The following KAZN variants were observed in gnomAD, a reference collection of about 807,000 sequenced individuals.
KAZN encodes kazrin.
In KAZN, 40 loss-of-function variants were observed where a neutral mutation model predicts 87.4. The observed-to-expected ratio is 0.46, with a 90% confidence interval of 0.36 to 0.60. The LOEUF (loss-of-function observed/expected upper bound fraction) is 0.60, where lower values mean the gene tolerates loss of function less well. Ranked by LOEUF, KAZN falls within the 20% of genes least tolerant of loss-of-function variation. The pLI is 0.00. For missense variants in KAZN, 898 were observed against 1,073.9 expected (o/e 0.84, Z 2.29); for synonymous variants, 466 against 458.3 (o/e 1.02, Z -0.22).
chr1:14,929,495 A>C (rs138879281), intron 1 of KAZN, among the ~76,000 whole-genome samples: 1,787 of 152,332 alleles, frequency 0.012, 34 homozygotes, highest in African/African-American at 0.039. Flanking sequence ...AGAGGAAAAT[A>C]GCACCCCTGG....
chr1:15,070,570 C>T (rs757756960), intron 8 of KAZN, among the ~76,000 whole-genome samples: 2 of 152,258 alleles, frequency 1.3e-5, no homozygotes, highest in Non-Finnish European at 2.9e-5. Flanking sequence ...GCACCTGTGA[C>T]AAACGGTATC....
intron 1 of KAZN, among the ~76,000 whole-genome samples, chr1:14,080,340 A>C (rs552005885): frequency 1.0e-5 from 1 of 96,436 alleles, no homozygotes; most frequent in Non-Finnish European, 2.3e-5. Context: ...TTAGGCTTCT[A>C]AGACTGGGAA....
chr1:14,549,988 T>A (rs1282647529), intron 2 of KAZN, among the ~76,000 whole-genome samples: 1 of 152,244 alleles, frequency 6.6e-6, no homozygotes, highest in African/African-American at 2.4e-5. Context: ...CTAGATGTTT[T>A]GTAGTGGAAA....
chr1:14,894,496 A>C (rs1232003473), intron 1 of KAZN, among the ~76,000 whole-genome samples: 1 of 152,238 alleles, frequency 6.6e-6, no homozygotes, highest in Non-Finnish European at 1.5e-5. Context: ...AAGGGTGTAG[A>C]GTGCCTCATG....
intron 1 of KAZN, among the ~76,000 whole-genome samples, chr1:13,927,132 G>A (rs937787856): frequency 2.1e-4 from 32 of 152,158 alleles, no homozygotes; most frequent in Non-Finnish European, 4.3e-4. Flanking sequence ...CAATTTCCGT[G>A]TTCTATAAAG....
chr1:14,682,304 TTA>T (rs1553209463), intron 1 of KAZN, among the ~76,000 whole-genome samples: 3 of 151,654 alleles, frequency 2.0e-5, no homozygotes, highest in Non-Finnish European at 1.5e-5. Flanking sequence ...TTTTTTTTTT[TTA>T]AGACAGGGTC....
chr1:14,770,818 A>T (rs1644999469), intron 1 of KAZN, among the ~76,000 whole-genome samples: 1 of 152,206 alleles, frequency 6.6e-6, no homozygotes, highest in African/African-American at 2.4e-5. Context: ...ATGCATTTTC[A>T]ATTGTTCAGA....
intron 2 of KAZN, among the ~76,000 whole-genome samples, chr1:14,431,846 A>G (rs78822733): frequency 0.026 from 3,956 of 152,168 alleles, 204 homozygotes; most frequent in East Asian, 0.18. Flanking sequence ...CTGGTTTTGA[A>G]GCTTTTGGAC....
rs183399098 is a variant in KAZN, at chr1:14,288,625, A to G, written c.249+108033A>G. Among the ~76,000 whole-genome samples, 664 of 152,286 alleles carry G rather than the reference A, an allele frequency of 4.4e-3. 6 individuals are homozygous for G. Among genetic ancestry groups the G allele is most frequent in the African/African-American group, 0.015 (638 of 41,562 alleles). ...TCAATTTTGTTCATCTTTTCAAAAA[A>G]CCAGCTCCTGGATACATTGATTATT... On this transcript the variant is annotated intron_variant, in intron 2 of 16. Coordinates refer to the KAZN transcript ENST00000636203.
At chr1:14,382,562 T>C (rs1661465143) in intron 2 of KAZN, among the ~76,000 whole-genome samples, 1 of 147,068 alleles carries the variant, frequency 6.8e-6, no homozygotes, top group Non-Finnish European at 1.5e-5. Context: ...AGTGAGAATA[T>C]GCGGTGTTTG....
At position 15,043,983 on chromosome 1, in the gene KAZN, C is replaced by T. The variant is rs761424039; in HGVS notation, c.556-6C>T. On this transcript the variant is annotated splice_polypyrimidine_tract_variant and splice_region_variant and intron_variant, in intron 3 of 14. Transcript: ENST00000376030. Reference sequence around the variant, plus strand: ...CCACGGTGCTCTCTCCCTCTCCCACCCACAGGAGAGCGAGGATGCGGTCAA... The same window carrying T: ...CCACGGTGCTCTCTCCCTCTCCCACTCACAGGAGAGCGAGGATGCGGTCAA... 6.2e-7 allele frequency: 1 copy of T among 1,605,450 alleles called. No homozygotes were observed. The highest frequency in any genetic ancestry group is 1.3e-5 in the African/African-American group (1 of 74,904).
At chr1:14,547,127 C>G (rs1001384413) in intron 2 of KAZN, among the ~76,000 whole-genome samples, 2 of 152,178 alleles carry the variant, frequency 1.3e-5, no homozygotes, top group African/African-American at 2.4e-5. Flanking sequence ...AGCCTCTTCC[C>G]CTGTGAACCA....
intron 2 of KAZN, among the ~76,000 whole-genome samples, chr1:14,976,740 C>T (rs1203079317): frequency 6.6e-6 from 1 of 152,134 alleles, no homozygotes; most frequent in Non-Finnish European, 1.5e-5. Context: ...GGCTGAAGAA[C>T]ACACGGCAGG....
intron 2 of KAZN, among the ~76,000 whole-genome samples, chr1:15,028,105 G>A (rs961898882): frequency 6.6e-6 from 1 of 152,204 alleles, no homozygotes; most frequent in South Asian, 2.1e-4. Context: ...TGCCATCATC[G>A]TGGGGCCACA....
At chr1:14,706,894 C>T (rs1420440534) in intron 1 of KAZN, among the ~76,000 whole-genome samples, 2 of 152,200 alleles carry the variant, frequency 1.3e-5, no homozygotes, top group African/African-American at 4.8e-5. Flanking sequence ...CCCGCCACCC[C>T]ACCAGGAACT....
chr1:14,344,019 C>T (rs953184177), intron 2 of KAZN, among the ~76,000 whole-genome samples: 2 of 152,146 alleles, frequency 1.3e-5, no homozygotes, highest in Non-Finnish European at 2.9e-5. Flanking sequence ...GATCCAGAAC[C>T]GGAGACCCAT....
intron 2 of KAZN, among the ~76,000 whole-genome samples, chr1:14,277,976 T>C (rs1200367392): frequency 6.6e-6 from 1 of 151,904 alleles, no homozygotes; most frequent in Non-Finnish European, 1.5e-5. Context: ...CACGTTTATT[T>C]ACATTCTTAG....
intron 2 of KAZN, among the ~76,000 whole-genome samples, chr1:14,986,901 A>G (rs1666874989): frequency 6.6e-6 from 1 of 152,096 alleles, no homozygotes; most frequent in Admixed American, 6.5e-5. Flanking sequence ...TTCTCTATCC[A>G]ATTTAATCAA....
chr1:14,534,994 C>T (rs1477698355), intron 2 of KAZN, among the ~76,000 whole-genome samples: 1 of 152,152 alleles, frequency 6.6e-6, no homozygotes, highest in Admixed American at 6.5e-5. Flanking sequence ...ACTCGTCAAA[C>T]TAGATCTTGA....
Sources: gnomAD v4.1 joint callset for allele counts (sites outside exome capture counted in the v4.1 genomes callset) on GRCh38, gnomAD v4.1.1 for gene constraint, MANE v1.5 for transcripts, NCBI Gene and HGNC (gene_info 2026-07-23, HGNC 2026-07-21) for gene names.